VPS13D: variants seen among roughly 807,000 people sequenced by gnomAD.
VPS13D encodes vacuolar protein sorting 13 homolog D.
VPS13D carries 187 observed loss-of-function variants against 461.9 expected under a neutral mutation model. The observed-to-expected ratio is 0.40, with a 90% CI of 0.36 to 0.46. The LOEUF (loss-of-function observed/expected upper bound fraction) is 0.46, where lower values mean the gene tolerates loss of function less well. Ranked by LOEUF, VPS13D falls within the 20% of genes least tolerant of loss-of-function variation. The probability of loss-of-function intolerance (pLI) is 0.60; values close to 1 mark genes in which losing one functional copy is unlikely to be tolerated. For missense variants in VPS13D, 4,711 were observed against 5,364.9 expected (o/e 0.88, Z 3.81); for synonymous variants, 1,951 against 1,986.3 (o/e 0.98, Z 0.47).
At chr1:12,270,254 C>T (rs1557676191) in intron 16 of VPS13D, among the ~76,000 whole-genome samples, 1 of 151,920 alleles carries the variant, frequency 6.6e-6, no homozygotes, top group Non-Finnish European at 1.5e-5. Flanking sequence ...GTCAGGAGTT[C>T]AAGACCAGCC....
Position 12,507,713 on chromosome 1 carries a change from A to G in VPS13D, c.13035+620A>G, listed in dbSNP as rs911952704. ...GTGTTGCTGTCATCCCCTCCTCACTATTGGTCATAGCAGGTGATTCATTCA... is the reference window on the plus strand; with the variant it reads ...GTGTTGCTGTCATCCCCTCCTCACTGTTGGTCATAGCAGGTGATTCATTCA... On this transcript the variant is annotated intron_variant, in intron 69 of 69. Coordinates refer to ENST00000620676, the MANE Select transcript of VPS13D (RefSeq NM_015378.4). The surrounding 1 kb of genome is among the most constrained non-coding windows in gnomAD (Gnocchi z 5.3). Among the ~76,000 whole-genome samples, 1 of 152,068 alleles carries G rather than the reference A, an allele frequency of 6.6e-6. No individual in the cohort carries two copies. Among genetic ancestry groups the G allele is most frequent in the Non-Finnish European group, 1.5e-5 (1 of 68,006 alleles).
At chr1:12,285,094 T>G (rs921894355) in intron 21 of VPS13D, among the ~76,000 whole-genome samples, 6 of 152,202 alleles carry the variant, frequency 3.9e-5, no homozygotes, top group Non-Finnish European at 8.8e-5. Flanking sequence ...ACTGGATAAG[T>G]GTTCCTCAAC....
intron 18 of VPS13D, 147 bp from the exon 19 acceptor site, chr1:12,275,678 A>G: frequency 2.7e-6 from 2 of 729,644 alleles, no homozygotes; most frequent in Non-Finnish European, 4.0e-6. Flanking sequence ...GAAAATGGTA[A>G]ACAAAGATAT....
At position 12,415,118 on chromosome 1, in the gene VPS13D, TA is replaced by T; in HGVS notation, c.12063del (p.Arg4022GlyfsTer6). 1 of 1,614,080 alleles carries T rather than the reference TA, an allele frequency of 6.2e-7. No individual in the cohort carries two copies. The highest frequency in any genetic ancestry group is 1.1e-5 in the South Asian group (1 of 91,058). ...ALKSTLGFPL[I>X]RFEDAVINLD... Reference sequence around the variant, plus strand: ...AAAAGCACCTTGGGGTTTCCTTTGATACGGTTTGAAGACGCTGTGATTAATC... The same window carrying T: ...AAAAGCACCTTGGGGTTTCCTTTGATCGGTTTGAAGACGCTGTGATTAATC... On this transcript the variant is annotated frameshift_variant, in exon 64 of 70. Transcript: ENST00000620676. LOFTEE classifies it high-confidence loss of function.
chr1:12,491,432 A>G (rs1645879892), intron 67 of VPS13D, among the ~76,000 whole-genome samples: 1 of 152,236 alleles, frequency 6.6e-6, no homozygotes, highest in Non-Finnish European at 1.5e-5. Flanking sequence ...ATAGTTACTC[A>G]TCGTATAAGC....
At chr1:12,431,093 T>A (rs1254203418) in intron 65 of VPS13D, among the ~76,000 whole-genome samples, 1 of 152,220 alleles carries the variant, frequency 6.6e-6, no homozygotes, top group Non-Finnish European at 1.5e-5. Context: ...TAACTTATGT[T>A]AAAAAATTGA....
chr1:12,255,554 T>C (rs1640892910), intron 7 of VPS13D, among the ~76,000 whole-genome samples: 1 of 152,030 alleles, frequency 6.6e-6, no homozygotes, highest in South Asian at 2.1e-4. Context: ...ATTTGACCTT[T>C]TTTTTTTCCT....
chr1:12,293,404 G>A, intron 23 of VPS13D, 120 bp from the exon 24 acceptor site: 2 of 938,164 alleles, frequency 2.1e-6, no homozygotes, highest in East Asian at 2.7e-5. Flanking sequence ...GCCTAATTTT[G>A]GATTTCCATT....
chr1:12,347,668 T>C (rs1002376837), intron 44 of VPS13D, among the ~76,000 whole-genome samples: 4 of 152,234 alleles, frequency 2.6e-5, no homozygotes, highest in African/African-American at 9.6e-5. Context: ...TTTTATTGTT[T>C]ATTGGATTGA....
At chr1:12,351,259 C>T (rs952970512) in intron 46 of VPS13D, among the ~76,000 whole-genome samples, 1 of 152,174 alleles carries the variant, frequency 6.6e-6, no homozygotes, top group African/African-American at 2.4e-5. Flanking sequence ...CAGTGTTCCC[C>T]ATGAAGAGGT....
rs1045722274 is a variant in VPS13D, at chr1:12,403,941, T to A, written c.11998T>A (p.Phe4000Ile). The A allele has an allele frequency of 5.0e-6, 8 of 1,608,630 alleles. No individual in the cohort carries two copies. The Admixed American group carries it at 1.2e-4, about 24-fold the overall frequency. The stretch of plus-strand genomic sequence containing the variant: ...CATTCCTCAGATCAAGCTAAGTGTG[T>A]TCACCTCCAACAAGCTCCCATTGGA... ...ISIPQIKLSV[F>I]TSNKLPLDLK... Residue 4000 changes from phenylalanine to isoleucine, a missense_variant, in exon 63 of 70, where the codon TTC (phenylalanine) becomes ATC (isoleucine). Physicochemically the swap from Phe to Ile is conservative, Grantham distance 21. Coordinates refer to ENST00000620676, the MANE Select transcript of VPS13D (RefSeq NM_015378.4).
chr1:12,263,582 T>C (rs1476341448), intron 13 of VPS13D, among the ~76,000 whole-genome samples: 1 of 152,224 alleles, frequency 6.6e-6, no homozygotes, highest in African/African-American at 2.4e-5. Context: ...TTTTGTGACT[T>C]TGAATTAAAG....
At chr1:12,378,398 T>C (rs1644230202) in intron 55 of VPS13D, 30 bp from the exon 56 acceptor site, 3 of 1,551,664 alleles carry the variant, frequency 1.9e-6, no homozygotes, top group Non-Finnish European at 2.6e-6. Context: ...ATAATGGCTC[T>C]TTCTCTTTTT....
chr1:12,429,436 G>A (rs1252355015), intron 65 of VPS13D, among the ~76,000 whole-genome samples: 1 of 152,014 alleles, frequency 6.6e-6, no homozygotes, highest in African/African-American at 2.4e-5. Flanking sequence ...GGGATTACAG[G>A]CACCCACCAC....
At chr1:12,490,742 A>C (rs1398983956) in intron 67 of VPS13D, among the ~76,000 whole-genome samples, 1,943 of 55,930 alleles carry the variant, frequency 0.035, no homozygotes, top group Middle Eastern at 0.077. Flanking sequence ...AAGATAGATG[A>C]AGCCCACGGC....
chr1:12,253,920 G>A, intron 7 of VPS13D, 94 bp downstream of exon 7: 1 of 933,980 alleles, frequency 1.1e-6, no homozygotes, highest in Non-Finnish European at 1.7e-6. Flanking sequence ...TTGCCTCTCT[G>A]ATTCCAGTTC....
intron 57 of VPS13D, among the ~76,000 whole-genome samples, chr1:12,380,252 A>G (rs556837021): frequency 2.0e-5 from 3 of 152,138 alleles, no homozygotes; most frequent in Admixed American, 2.0e-4. Context: ...TTTAAAAAGA[A>G]AAAAATTACC....
chr1:12,263,976 C>T (rs995097772), intron 13 of VPS13D, among the ~76,000 whole-genome samples: 3 of 152,144 alleles, frequency 2.0e-5, no homozygotes, highest in Admixed American at 2.0e-4. Context: ...GCCATTTTTC[C>T]AACAGCATGT....
rs919441842 is a variant in VPS13D, at chr1:12,511,923, A to G, written c.*2899A>G. On this transcript the variant is annotated 3_prime_UTR_variant, in exon 70 of 70. Transcript: ENST00000620676. This position sits in a 1 kb window ranked among gnomAD's most constrained non-coding sequence, Gnocchi z 4.5. ...AGCTGCTTGATAAAATTCTAAAAAT[A>G]TCTGGTTCTCTATTATGTAAACACT... is the stretch of plus-strand genomic sequence containing the variant. 6 of 152,156 alleles carry G rather than the reference A, an allele frequency of 3.9e-5. No individual in the cohort carries two copies. The highest frequency in any genetic ancestry group is 7.3e-5 in the Non-Finnish European group (5 of 68,044). 9.4% of individuals were successfully genotyped at this position (152,156 alleles called of 1,614,324 possible).
Sources: gnomAD v4.1 joint callset for allele counts (sites outside exome capture counted in the v4.1 genomes callset) on GRCh38, gnomAD v4.1.1 for gene constraint, Gnocchi (gnomAD v3.1) non-coding constraint, MANE v1.5 for transcripts, NCBI Gene and HGNC (gene_info 2026-07-23, HGNC 2026-07-21) for gene names.